CUX1: variants seen among roughly 807,000 people sequenced by gnomAD.
CUX1 encodes the protein cut like homeobox 1, also known as protein CASP.
A neutral mutation model predicts 158.8 loss-of-function variants in CUX1; 31 were observed. That is an observed-to-expected ratio of 0.20 (90% CI 0.15 to 0.26). The LOEUF (loss-of-function observed/expected upper bound fraction) is 0.26, where lower values mean the gene tolerates loss of function less well. Among genes scored for constraint, CUX1 ranks in the 10% least tolerant of loss-of-function variants. CUX1 has a pLI of 1.00. For synonymous variants in CUX1, 879 were observed against 862.1 expected, an observed-to-expected ratio of 1.02 and a Z score of -0.34; for missense variants, 1,589 against 2,014.6, an observed-to-expected ratio of 0.79 and a Z score of 4.04.
chr7:102,249,611 T>G lies in CUX1; in HGVS notation c.*569T>G. 4 of 985,728 alleles carry G rather than the reference T, an allele frequency of 4.1e-6. No homozygotes were observed. Among genetic ancestry groups the G allele is most frequent in the Non-Finnish European group, 4.8e-6 (4 of 829,932 alleles). The allele number at this position is 985,728 out of a possible 1,614,324, so 61.1% of individuals were successfully genotyped here. A position where few individuals can be genotyped will look rare whatever the true frequency, so the allele number is the denominator to read the frequency against. On this transcript the variant is annotated 3_prime_UTR_variant, in exon 24 of 24. Coordinates refer to ENST00000292535, the MANE Select transcript of CUX1 (RefSeq NM_181552.4). ...AAACCCACATATTAAAAGGGGGCTT[T>G]TTATCTGCCATCTAATGGCTTCAGA... is the stretch of plus-strand genomic sequence containing the variant.
chr7:101,904,832 G>A (rs561256366), intron 1 of CUX1, among the ~76,000 whole-genome samples: 188 of 152,296 alleles, frequency 1.2e-3, no homozygotes, highest in African/African-American at 4.2e-3. Context: ...CCCTCCCAAA[G>A]TGCTGGGATT....
chr7:101,926,003 T>TG (rs1300652666), intron 2 of CUX1, among the ~76,000 whole-genome samples: 2 of 152,296 alleles, frequency 1.3e-5, no homozygotes, highest in East Asian at 3.9e-4. Context: ...CCTCTCTTCA[T>TG]GGGGGTGTCA....
chr7:102,109,483 C>T (rs1329274990), intron 6 of CUX1, among the ~76,000 whole-genome samples: 1 of 152,130 alleles, frequency 6.6e-6, no homozygotes, highest in Non-Finnish European at 1.5e-5. Flanking sequence ...TTTTCACTAT[C>T]TATCAAAACA....
intron 3 of CUX1, among the ~76,000 whole-genome samples, chr7:102,031,086 T>C (rs1820736636): frequency 6.6e-6 from 1 of 152,158 alleles, no homozygotes; most frequent in Admixed American, 6.6e-5. Flanking sequence ...CTAGACAGGG[T>C]CTTGCTCTGT....
At chr7:102,042,282 G>A (rs1294739999) in intron 3 of CUX1, among the ~76,000 whole-genome samples, 2 of 152,052 alleles carry the variant, frequency 1.3e-5, no homozygotes, top group Admixed American at 6.6e-5. Flanking sequence ...CTGACATTCC[G>A]GTGTAGAAGG....
intron 23 of CUX1, among the ~76,000 whole-genome samples, chr7:102,240,943 C>T (rs1342538649): frequency 1.3e-5 from 2 of 152,182 alleles, no homozygotes; most frequent in Admixed American, 6.5e-5. Context: ...GCCTCAGCCT[C>T]CTGAGTGGCT....
intron 20 of CUX1, among the ~76,000 whole-genome samples, chr7:102,221,043 C>T (rs1244160346): frequency 3.9e-5 from 6 of 152,188 alleles, no homozygotes; most frequent in African/African-American, 1.4e-4. Context: ...TGCCAGGCCA[C>T]GACCACCTCC....
intron 2 of CUX1, among the ~76,000 whole-genome samples, chr7:101,997,314 C>T (rs1174803887): frequency 3.3e-5 from 5 of 152,178 alleles, no homozygotes; most frequent in African/African-American, 1.2e-4. Flanking sequence ...CATAACTTTT[C>T]TTTTGGTTTG....
At chr7:102,009,345 C>T (rs2129292244) in intron 2 of CUX1, among the ~76,000 whole-genome samples, 1 of 152,318 alleles carries the variant, frequency 6.6e-6, no homozygotes, top group East Asian at 1.9e-4. Flanking sequence ...CCAGGTGACA[C>T]CCCTCACCTA....
chr7:102,048,029 C>T (rs1823023302), intron 3 of CUX1, among the ~76,000 whole-genome samples: 1 of 152,140 alleles, frequency 6.6e-6, no homozygotes, highest in Non-Finnish European at 1.5e-5. Flanking sequence ...TCACAACTCC[C>T]TTTGCTAATA....
intron 1 of CUX1, among the ~76,000 whole-genome samples, chr7:101,904,503 T>C (rs1802532807): frequency 6.6e-6 from 1 of 152,012 alleles, no homozygotes; most frequent in Admixed American, 6.6e-5. Flanking sequence ...TGGGAGTTAA[T>C]ATCAAATGAT....
At chr7:101,944,589 G>A (rs1248171136) in intron 2 of CUX1, among the ~76,000 whole-genome samples, 1 of 152,148 alleles carries the variant, frequency 6.6e-6, no homozygotes, top group Non-Finnish European at 1.5e-5. Context: ...TCACACTTTG[G>A]TGCATTTCTC....
intron 8 of CUX1, among the ~76,000 whole-genome samples, chr7:102,151,827 A>G (rs1554503690): frequency 6.7e-6 from 1 of 149,570 alleles, no homozygotes; most frequent in African/African-American, 2.5e-5. Context: ...TGATGGCCAC[A>G]CTCACATCTT....
chr7:102,202,082 C>G lies in CUX1; in HGVS notation c.2785C>G (p.Pro929Ala). 3 of 1,614,134 alleles carry G rather than the reference C, an allele frequency of 1.9e-6. No individual in the cohort carries two copies. The highest frequency in any genetic ancestry group is 2.5e-6 in the Non-Finnish European group (3 of 1,180,022). Residue 929 changes from proline to alanine, a missense_variant, in exon 18 of 24, where the codon CCG becomes GCG. Pro to Ala is a conservative substitution (Grantham distance 27). Around this residue, in one of 8 missense-constraint regions of CUX1, gnomAD observed 337 missense variants for 409.3 expected, o/e 0.82. Coordinates refer to ENST00000292535, the MANE Select transcript of CUX1 (RefSeq NM_181552.4). ...MSKPTKPSVP[P>A]LTPEQYEVYM... ...CAAGCCCACCAAGCCCTCGGTCCCC[C>G]CGCTGACCCCCGAGCAGTACGAGGT...
In CUX1 at chr7:101,951,881, G is replaced by A. The variant is rs116694448; in HGVS notation, c.141+35656G>A. On this transcript the variant is annotated intron_variant, in intron 2 of 23. Coordinates refer to ENST00000292535, the MANE Select transcript of CUX1 (RefSeq NM_181552.4). Reference sequence around the variant, plus strand: ...GTAAAGAACCAGATGGTAAAATACTGTAGGTTTCGGCAGGGCCATATGGTC... The same window carrying A: ...GTAAAGAACCAGATGGTAAAATACTATAGGTTTCGGCAGGGCCATATGGTC... Among the ~76,000 whole-genome samples, 467 of 152,326 alleles carry A rather than the reference G, an allele frequency of 3.1e-3. 3 individuals carry two copies. The highest frequency in any genetic ancestry group is 0.011 in the African/African-American group (440 of 41,572).
chr7:101,979,811 A>G (rs1446245749), intron 2 of CUX1, among the ~76,000 whole-genome samples: 1 of 152,052 alleles, frequency 6.6e-6, no homozygotes, highest in Non-Finnish European at 1.5e-5. Context: ...CACCATGCCC[A>G]GCTAATTTTT....
chr7:101,957,483 G>A (rs1371066441), intron 2 of CUX1, among the ~76,000 whole-genome samples: 2 of 152,204 alleles, frequency 1.3e-5, no homozygotes, highest in African/African-American at 2.4e-5. Flanking sequence ...CACTTTGGGA[G>A]GCTGAGGCAG....
rs1259695991 is a variant in CUX1, at chr7:102,092,921, AAAAAAAAAAAAGAAAG to A, written c.269-4439_269-4424del. 2.4e-4 allele frequency among the ~76,000 whole-genome samples: 25 copies of A among 102,846 alleles called. 1 individual carries two copies. Among genetic ancestry groups the A allele is most frequent in the African/African-American group, 1.2e-3 (24 of 20,644 alleles). 67.5% of individuals were successfully genotyped at this position (102,846 alleles called of 152,430 possible). On this transcript the variant is annotated intron_variant, in intron 4 of 23. Coordinates refer to ENST00000292535, the MANE Select transcript of CUX1 (RefSeq NM_181552.4). Reference sequence around the variant, plus strand: ...CAGTGAGACTCCGTCTCAAAAAAAAAAAAAAAAAAAAGAAAGAAAGAAAAGAAAAAAAGAGCTCCTT... The same window carrying A: ...CAGTGAGACTCCGTCTCAAAAAAAAAAAAGAAAAGAAAAAAAGAGCTCCTT...
intron 2 of CUX1, among the ~76,000 whole-genome samples, chr7:101,974,438 TAGAA>T (rs1812389406): frequency 6.6e-6 from 1 of 152,172 alleles, no homozygotes; most frequent in African/African-American, 2.4e-5. Context: ...ATGATTAAGA[TAGAA>T]AGGAGAAACT....
Sources: allele counts gnomAD v4.1 joint callset (sites outside exome capture counted in the v4.1 genomes callset), GRCh38; gene constraint gnomAD v4.1.1; regional missense constraint gnomAD v4.1.1; transcripts MANE v1.5; gene names NCBI Gene and HGNC (gene_info 2026-07-23, HGNC 2026-07-21).